Variants in TNKS observed in about 807,000 individuals in gnomAD.
TNKS encodes the protein poly [ADP-ribose] polymerase tankyrase-1.
A neutral mutation model predicts 135.8 loss-of-function variants in TNKS; 72 were observed. The ratio of observed to expected loss-of-function variants is 0.53; its 90% CI spans 0.44 to 0.64. TNKS has a LOEUF of 0.64. Among genes scored for constraint, TNKS ranks in the 30% least tolerant of loss-of-function variants. The probability of loss-of-function intolerance (pLI) is 0.00; values close to 1 mark genes in which losing one functional copy is unlikely to be tolerated. For synonymous variants in TNKS, 849 were observed against 649.3 expected (o/e 1.31, Z -4.68); for missense variants, 1,769 against 1,674.0 (o/e 1.06, Z -0.99).
At chr8:9,568,056 C>T (rs1776812416) in intron 1 of TNKS, among the ~76,000 whole-genome samples, 1 of 152,184 alleles carries the variant, frequency 6.6e-6, no homozygotes, top group African/African-American at 2.4e-5. Flanking sequence ...GACTGAATCT[C>T]TGCAGTTATG....
intron 5 of TNKS, among the ~76,000 whole-genome samples, chr8:9,703,454 A>T (rs1803911399): frequency 6.6e-6 from 1 of 152,208 alleles, no homozygotes; most frequent in African/African-American, 2.4e-5. Context: ...AGAAGCTGAG[A>T]CACACGAGTA....
intron 2 of TNKS, among the ~76,000 whole-genome samples, chr8:9,609,641 A>G (rs1319536331): frequency 6.6e-6 from 1 of 152,098 alleles, no homozygotes; most frequent in African/African-American, 2.4e-5. Context: ...TCAGCTGGTA[A>G]TTCTTTAACT....
intron 19 of TNKS, 119 bp downstream of exon 19, chr8:9,751,965 A>G (rs865923161): frequency 4.7e-6 from 4 of 849,334 alleles, no homozygotes; most frequent in Middle Eastern, 5.4e-4. Context: ...GTAAATTTTC[A>G]TACACACAAC....
At chr8:9,735,959 G>A (rs7461376) in intron 17 of TNKS, among the ~76,000 whole-genome samples, 106,350 of 151,520 alleles carry the variant, frequency 0.7, 37,853 homozygotes, top group Admixed American at 0.8. Context: ...GTATCTTCCC[G>A]GCTAAGCTTA....
At chr8:9,625,436 C>T in intron 3 of TNKS, among the ~76,000 whole-genome samples, 1 of 151,256 alleles carries the variant, frequency 6.6e-6, no homozygotes, top group African/African-American at 2.4e-5. Context: ...TTATTTTGGG[C>T]TCATTTTGCT....
intron 3 of TNKS, among the ~76,000 whole-genome samples, chr8:9,660,556 T>G (rs1801653807): frequency 6.6e-6 from 1 of 152,182 alleles, no homozygotes; most frequent in African/African-American, 2.4e-5. Flanking sequence ...CTAAAAACTC[T>G]CATTAAATTA....
rs544061795 is a variant in TNKS, at chr8:9,583,898, C to G, written c.898+3515C>G. 7.9e-5 allele frequency among the ~76,000 whole-genome samples: 12 copies of G among 151,506 alleles called. No individual in the cohort carries two copies. In the East Asian group the frequency reaches 2.0e-3, roughly 25 times the overall value. ...ATCTGGGAGTCGGAGGGTGCGGTGG[C>G]TCACTCCTGTAATCCCAGTACTTTG... is the stretch of plus-strand genomic sequence containing the variant. On this transcript the variant is annotated intron_variant, in intron 2 of 26. Coordinates refer to ENST00000310430, the MANE Select transcript of TNKS (RefSeq NM_003747.3).
intron 3 of TNKS, among the ~76,000 whole-genome samples, chr8:9,639,152 C>G (rs1800630071): frequency 6.6e-6 from 1 of 152,166 alleles, no homozygotes. Context: ...ATAATTGAAT[C>G]TGAATATTTT....
intron 1 of TNKS, among the ~76,000 whole-genome samples, chr8:9,567,418 T>G (rs1797584209): frequency 6.6e-6 from 1 of 152,122 alleles, no homozygotes; most frequent in African/African-American, 2.4e-5. Flanking sequence ...CTTTCTTATT[T>G]ATTTATTTTT....
chr8:9,766,486 T>C, intron 25 of TNKS, 61 bp downstream of exon 25: 7 of 942,126 alleles, frequency 7.4e-6, no homozygotes, highest in South Asian at 8.2e-5. Flanking sequence ...AAATTGTCTT[T>C]TTTTTTTTTT....
At position 9,656,470 on chromosome 8, in the gene TNKS, A is replaced by T. The variant is rs1342055691; in HGVS notation, c.995-23481A>T. On this transcript the variant is annotated intron_variant, in intron 3 of 26. Transcript: ENST00000310430. ...CACCGAAGTTGAAATGAGGGAAAAAATGTTAAGGGCAGCCAGAGAGAAAGG... is the reference window on the plus strand; with the variant it reads ...CACCGAAGTTGAAATGAGGGAAAAATTGTTAAGGGCAGCCAGAGAGAAAGG... Among the ~76,000 whole-genome samples, 5 of 152,296 alleles carry T rather than the reference A, an allele frequency of 3.3e-5. No homozygotes were observed. The East Asian group carries it at 5.8e-4, about 18-fold the overall frequency.
intron 25 of TNKS, among the ~76,000 whole-genome samples, chr8:9,769,447 G>C (rs1807669615): frequency 6.6e-6 from 1 of 151,962 alleles, no homozygotes. Flanking sequence ...CCTCATCCCA[G>C]TTTCTACTTT....
chr8:9,620,138 T>C (rs558319125), intron 3 of TNKS, among the ~76,000 whole-genome samples: 3 of 152,162 alleles, frequency 2.0e-5, no homozygotes, highest in African/African-American at 7.2e-5. Context: ...TTAGTATAGA[T>C]GGACTTTCAC....
chr8:9,593,588 C>A (rs866879987), intron 2 of TNKS, among the ~76,000 whole-genome samples: 2 of 152,242 alleles, frequency 1.3e-5, no homozygotes, highest in African/African-American at 4.8e-5. Flanking sequence ...ACTAACCTGT[C>A]TACAAAAATT....
chr8:9,634,172 A>G (rs952178963), intron 3 of TNKS, among the ~76,000 whole-genome samples: 3 of 151,592 alleles, frequency 2.0e-5, no homozygotes, highest in African/African-American at 7.2e-5. Flanking sequence ...TTGATTACCT[A>G]TAAGAACGTG....
Position 9,577,166 on chromosome 8 carries a change from G to A in TNKS, c.674-2993G>A, listed in dbSNP as rs539100396. 9.2e-5 allele frequency among the ~76,000 whole-genome samples: 14 copies of A among 151,856 alleles called. No homozygotes were observed. In the South Asian group the frequency reaches 2.1e-3, roughly 23 times the overall value. ...TTTTAAATGTGCACGGAATGGTCACGAGGATTTTGGTTGAAAATGAAAATT... is the reference window on the plus strand; with the variant it reads ...TTTTAAATGTGCACGGAATGGTCACAAGGATTTTGGTTGAAAATGAAAATT... On this transcript the variant is annotated intron_variant, in intron 1 of 26. Coordinates refer to ENST00000310430, the MANE Select transcript of TNKS (RefSeq NM_003747.3).
At chr8:9,689,921 C>G (rs1453697214) in intron 5 of TNKS, among the ~76,000 whole-genome samples, 3 of 152,086 alleles carry the variant, frequency 2.0e-5, no homozygotes, top group African/African-American at 7.2e-5. Context: ...TATCTGTTGT[C>G]CATTACGTAG....
chr8:9,637,175 A>C (rs1800544123), intron 3 of TNKS, among the ~76,000 whole-genome samples: 2 of 152,202 alleles, frequency 1.3e-5, no homozygotes, highest in South Asian at 4.1e-4. Context: ...AATATTTGGG[A>C]AATTAATTAG....
chr8:9,571,405 AG>A (rs1203029812), intron 1 of TNKS, among the ~76,000 whole-genome samples: 1 of 152,146 alleles, frequency 6.6e-6, no homozygotes, highest in Admixed American at 6.5e-5. Flanking sequence ...GTTTGTTTTG[AG>A]GGATGATCTG....
Sources: gnomAD v4.1 joint callset for allele counts (sites outside exome capture counted in the v4.1 genomes callset) on GRCh38, gnomAD v4.1.1 for gene constraint, MANE v1.5 for transcripts, NCBI Gene and HGNC (gene_info 2026-07-23, HGNC 2026-07-21) for gene names.